DNAJC5: variants seen among roughly 807,000 people sequenced by gnomAD.
DNAJC5 encodes DnaJ heat shock protein family (Hsp40) member C5, also known as dnaJ homolog subfamily C member 5.
A neutral mutation model predicts 23.2 loss-of-function variants in DNAJC5; 1 was observed. The ratio of observed to expected loss-of-function variants is 0.04; its 90% CI spans 0.02 to 0.20. DNAJC5 has a LOEUF of 0.20. DNAJC5 is among the 10% of genes least tolerant of loss of function. The probability of loss-of-function intolerance (pLI) is 1.00; values close to 1 mark genes in which losing one functional copy is unlikely to be tolerated. For synonymous variants in DNAJC5, 136 were observed against 120.0 expected, an observed-to-expected ratio of 1.13 and a Z score of -0.87; for missense variants, 180 against 267.0, an observed-to-expected ratio of 0.67 and a Z score of 2.27.
chr20:63,922,466 C>CAAA (rs71333725), intron 1 of DNAJC5, among the ~76,000 whole-genome samples: 3 of 117,308 alleles, frequency 2.6e-5, no homozygotes, highest in African/African-American at 3.0e-5. Context: ...GACTCTGTCT[C>CAAA]AAAAAAAAAA....
chr20:63,904,809 T>C (rs967610722), intron 1 of DNAJC5, among the ~76,000 whole-genome samples: 4 of 152,084 alleles, frequency 2.6e-5, no homozygotes, highest in African/African-American at 9.7e-5. Context: ...TTTGTTTGTT[T>C]TTGTTTTTCT....
chr20:63,911,598 C>T (rs923378199), intron 1 of DNAJC5, among the ~76,000 whole-genome samples: 1 of 152,132 alleles, frequency 6.6e-6, no homozygotes, highest in Middle Eastern at 3.4e-3. Context: ...CTCAGCATCA[C>T]TGTTGCTTTT....
intron 1 of DNAJC5, among the ~76,000 whole-genome samples, chr20:63,926,557 G>T (rs1281224715): frequency 6.6e-6 from 1 of 152,234 alleles, no homozygotes; most frequent in Non-Finnish European, 1.5e-5. Context: ...TTGTTATGAG[G>T]AATTGGCCCA....
chr20:63,912,096 A>G, intron 1 of DNAJC5, among the ~76,000 whole-genome samples: 1 of 152,016 alleles, frequency 6.6e-6, no homozygotes. Context: ...TGAGGCCGGG[A>G]GTTTGAGTCC....
chr20:63,916,768 T>TC (rs910618295), intron 1 of DNAJC5, among the ~76,000 whole-genome samples: 4 of 151,906 alleles, frequency 2.6e-5, no homozygotes, highest in African/African-American at 9.7e-5. Context: ...TCTGTAGACC[T>TC]CCCCCCAGGA....
chr20:63,931,657 C>A lies in DNAJC5; in HGVS notation c.*89C>A. ...AACTGTAGTCACAGAGATGGGAAGG[C>A]AGCCTCCTGCCTGCCCTGGCCTTGC... On this transcript the variant is annotated 3_prime_UTR_variant, in exon 5 of 5. Transcript: ENST00000360864. The surrounding 1 kb of genome is among the most constrained non-coding windows in gnomAD (Gnocchi z 9.6). The A allele has an allele frequency of 7.3e-7, 1 of 1,360,658 alleles. No homozygotes were observed. Among genetic ancestry groups the A allele is most frequent in the Non-Finnish European group, 1.0e-6 (1 of 987,004 alleles). The allele number at this position is 1,360,658 out of a possible 1,614,324, so 84.3% of individuals were successfully genotyped here.
chr20:63,905,316 A>G (rs1180069589), intron 1 of DNAJC5, among the ~76,000 whole-genome samples: 2 of 151,848 alleles, frequency 1.3e-5, no homozygotes, highest in African/African-American at 2.4e-5. Context: ...GGGTTTCACC[A>G]TGTTGGCCAG....
chr20:63,931,494 C>A lies in DNAJC5; in HGVS notation c.523C>A (p.Pro175Thr). The A allele has an allele frequency of 6.3e-7, 1 of 1,575,926 alleles. No individual in the cohort carries two copies. The highest frequency in any genetic ancestry group is 1.8e-5 in the Admixed American group (1 of 56,612). Residue 175 changes from proline (P) to threonine (T), a missense_variant, in exon 5 of 5, where the codon CCG becomes ACG. By Grantham distance (38) the Pro-to-Thr change is conservative. Coordinates refer to ENST00000360864, the MANE Select transcript of DNAJC5 (RefSeq NM_025219.3). The surrounding 1 kb of genome is among the most constrained non-coding windows in gnomAD (Gnocchi z 9.6). ...CACAGACACGCCGATCGTCATACAGCCGGCATCCGCCACCGAGACCACCCA... is the reference window on the plus strand; with the variant it reads ...CACAGACACGCCGATCGTCATACAGACGGCATCCGCCACCGAGACCACCCA... ...EATDTPIVIQPASATETTQLT... is the reference protein window; with the variant it reads ...EATDTPIVIQTASATETTQLT...
chr20:63,917,380 G>A (rs1229487945), intron 1 of DNAJC5, among the ~76,000 whole-genome samples: 3 of 151,924 alleles, frequency 2.0e-5, no homozygotes, highest in Non-Finnish European at 2.9e-5. Context: ...TCAGCCTCTC[G>A]AGTAACTGGG....
At chr20:63,924,122 C>G (rs1025967127) in intron 1 of DNAJC5, among the ~76,000 whole-genome samples, 4 of 152,092 alleles carry the variant, frequency 2.6e-5, no homozygotes, top group African/African-American at 9.7e-5. Context: ...GGTAAATTCT[C>G]TAACTTTTGT....
At chr20:63,916,906 A>G (rs2053518911) in intron 1 of DNAJC5, among the ~76,000 whole-genome samples, 1 of 152,210 alleles carries the variant, frequency 6.6e-6, no homozygotes, top group Non-Finnish European at 1.5e-5. Flanking sequence ...CTGACCACAC[A>G]GGCAGTCAGA....
chr20:63,927,494 C>T (rs1239759211), intron 1 of DNAJC5, among the ~76,000 whole-genome samples: 2 of 151,920 alleles, frequency 1.3e-5, no homozygotes, highest in Admixed American at 6.6e-5. Context: ...GAGCCGAGAT[C>T]GTGCCATTGC....
chr20:63,906,438 C>T lies in DNAJC5; in HGVS notation c.-12+11115C>T, dbSNP rs181913090. 2.5e-3 allele frequency among the ~76,000 whole-genome samples: 386 copies of T among 152,146 alleles called. 1 individual carries two copies. Among genetic ancestry groups the T allele is most frequent in the Non-Finnish European group, 4.2e-3 (284 of 68,008 alleles). On this transcript the variant is annotated intron_variant, in intron 1 of 4. Transcript: ENST00000360864. ...CCAGAAGGCGGAGGTTGCAGTGAGC[C>T]GACATTGCTCCACTGCACTCCAGCT...
intron 1 of DNAJC5, among the ~76,000 whole-genome samples, chr20:63,921,590 C>CAAA (rs11482146): frequency 8.6e-5 from 10 of 116,328 alleles, no homozygotes; most frequent in Admixed American, 8.3e-5. Flanking sequence ...GACTCCGTCT[C>CAAA]AAAAAAAAAA....
chr20:63,929,919 C>G lies in DNAJC5; in HGVS notation c.321+394C>G, dbSNP rs920497856. Among the ~76,000 whole-genome samples the G allele has an allele frequency of 6.6e-6, 1 of 152,216 alleles. No homozygotes were observed. Among genetic ancestry groups the G allele is most frequent in the Non-Finnish European group, 1.5e-5 (1 of 68,042 alleles). On this transcript the variant is annotated intron_variant, in intron 3 of 4. Transcript: ENST00000360864. The surrounding 1 kb of genome is among the most constrained non-coding windows in gnomAD (Gnocchi z 8.6). ...CTCTGTCACTGGCTTGGTGTCCTGC[C>G]TGGAACAAGCCATAGCGTACAGATT...
intron 1 of DNAJC5, among the ~76,000 whole-genome samples, chr20:63,904,873 G>C (rs1479567385): frequency 2.6e-5 from 4 of 151,946 alleles, no homozygotes; most frequent in Non-Finnish European, 5.9e-5. Context: ...GCGCGATCTC[G>C]GCTCACTGCA....
intron 1 of DNAJC5, among the ~76,000 whole-genome samples, chr20:63,921,680 T>C (rs2053574222): frequency 6.6e-6 from 1 of 152,122 alleles, no homozygotes; most frequent in Non-Finnish European, 1.5e-5. Context: ...AGCTCGTCAC[T>C]TGCAGCAGGT....
chr20:63,900,873 A>G (rs1482614995), intron 1 of DNAJC5, among the ~76,000 whole-genome samples: 1 of 152,232 alleles, frequency 6.6e-6, no homozygotes, highest in Non-Finnish European at 1.5e-5. Flanking sequence ...TGTCCCTTTA[A>G]ATATTCTACA....
At chr20:63,926,458 C>T (rs1439172070) in intron 1 of DNAJC5, among the ~76,000 whole-genome samples, 1 of 152,200 alleles carries the variant, frequency 6.6e-6, no homozygotes. Context: ...CTTCCTGAGG[C>T]GGAGCCTTAG....
Sources: gnomAD v4.1 joint callset for allele counts (sites outside exome capture counted in the v4.1 genomes callset) on GRCh38, gnomAD v4.1.1 for gene constraint, Gnocchi (gnomAD v3.1) non-coding constraint, MANE v1.5 for transcripts, NCBI Gene and HGNC (gene_info 2026-07-23, HGNC 2026-07-21) for gene names.